Variants in ST6GAL1 observed in about 807,000 individuals in gnomAD.
ST6GAL1 encodes ST6 beta-galactoside alpha-2,6-sialyltransferase 1, also known as beta-galactoside alpha-2,6-sialyltransferase 1.
A neutral mutation model predicts 38.0 loss-of-function variants in ST6GAL1; 20 were observed. The observed-to-expected ratio is 0.53, with a 90% CI of 0.37 to 0.77. ST6GAL1 has a LOEUF of 0.77. Ranked by LOEUF, ST6GAL1 falls within the 30% of genes least tolerant of loss-of-function variation. ST6GAL1 has a pLI of 0.00. For missense variants in ST6GAL1, 432 were observed against 496.4 expected (o/e 0.87, Z 1.23); for synonymous variants, 196 against 188.2 (o/e 1.04, Z -0.34).
intron 4 of ST6GAL1, among the ~76,000 whole-genome samples, chr3:187,044,321 A>C (rs1244307625): frequency 6.6e-6 from 1 of 152,194 alleles, no homozygotes; most frequent in Non-Finnish European, 1.5e-5. Context: ...GAGGTACTGG[A>C]GCAGGTGAGG....
chr3:187,030,046 T>A (rs376596602), intron 2 of ST6GAL1, among the ~76,000 whole-genome samples: 26 of 152,256 alleles, frequency 1.7e-4, no homozygotes, highest in African/African-American at 6.3e-4. Context: ...TGAGTGGCCG[T>A]GGTCACAATC....
At chr3:187,063,998 T>C (rs982787614) in intron 5 of ST6GAL1, among the ~76,000 whole-genome samples, 2 of 152,150 alleles carry the variant, frequency 1.3e-5, no homozygotes, top group Non-Finnish European at 2.9e-5. Flanking sequence ...ATAGTAGCGA[T>C]GGGCACTACT....
chr3:186,942,860 G>A (rs1046175485), intron 1 of ST6GAL1, among the ~76,000 whole-genome samples: 13 of 152,044 alleles, frequency 8.6e-5, no homozygotes, highest in African/African-American at 2.4e-4. Context: ...CCACCACTAC[G>A]CCCAGCTAAT....
intron 5 of ST6GAL1, among the ~76,000 whole-genome samples, chr3:187,063,068 A>T (rs772052007): frequency 2.0e-5 from 3 of 152,250 alleles, no homozygotes; most frequent in Admixed American, 6.5e-5. Context: ...TACTAAGCTG[A>T]ATACTTAAAG....
chr3:187,050,243 C>T (rs773669651), intron 4 of ST6GAL1, among the ~76,000 whole-genome samples: 14 of 152,132 alleles, frequency 9.2e-5, no homozygotes, highest in Non-Finnish European at 1.9e-4. Context: ...ATTCAGCTGA[C>T]CCCCAGATCC....
intron 2 of ST6GAL1, among the ~76,000 whole-genome samples, chr3:187,007,541 G>A (rs1461192913): frequency 6.6e-6 from 1 of 152,138 alleles, no homozygotes; most frequent in Non-Finnish European, 1.5e-5. Flanking sequence ...AACCTAAGTG[G>A]ATTAATTTCC....
At chr3:187,043,617 G>A (rs1718202794) in intron 4 of ST6GAL1, 1 of 182,914 alleles carries the variant, frequency 5.5e-6, no homozygotes, top group Non-Finnish European at 1.1e-5. Flanking sequence ...GATCCAATCA[G>A]GGTAATTAGA....
At chr3:187,055,639 G>C (rs1189039088) in intron 5 of ST6GAL1, among the ~76,000 whole-genome samples, 3 of 152,132 alleles carry the variant, frequency 2.0e-5, no homozygotes, top group Admixed American at 1.3e-4. Flanking sequence ...TTAATCCCGA[G>C]TTCTAATTTG....
At chr3:187,036,229 A>G (rs937475369) in intron 2 of ST6GAL1, among the ~76,000 whole-genome samples, 4 of 152,224 alleles carry the variant, frequency 2.6e-5, no homozygotes, top group Admixed American at 6.5e-5. Context: ...CAGAATGGCT[A>G]TTATTAAGTC....
At chr3:186,946,387 ATTAT>A (rs1277162963) in intron 1 of ST6GAL1, among the ~76,000 whole-genome samples, 1 of 136,662 alleles carries the variant, frequency 7.3e-6, no homozygotes, top group African/African-American at 3.7e-5. Flanking sequence ...AAAACTTATT[ATTAT>A]TATTTTTTGA....
intron 1 of ST6GAL1, among the ~76,000 whole-genome samples, chr3:186,962,307 G>A (rs1714962291): frequency 6.6e-6 from 1 of 151,976 alleles, no homozygotes; most frequent in Non-Finnish European, 1.5e-5. Flanking sequence ...TCCCTCCACG[G>A]GTTTCTCTTT....
intron 2 of ST6GAL1, among the ~76,000 whole-genome samples, chr3:186,999,811 A>G (rs796805011): frequency 1.6e-4 from 24 of 152,198 alleles, no homozygotes; most frequent in African/African-American, 5.3e-4. Context: ...TGTTTTACTC[A>G]CAAACATTAT....
intron 1 of ST6GAL1, among the ~76,000 whole-genome samples, chr3:186,945,689 G>A (rs2108517703): frequency 6.6e-6 from 1 of 152,186 alleles, no homozygotes; most frequent in East Asian, 1.9e-4. Flanking sequence ...ACTTTAATTA[G>A]AAGTGTACCT....
At chr3:186,993,591 TA>T (rs879593174) in intron 2 of ST6GAL1, among the ~76,000 whole-genome samples, 6,813 of 107,588 alleles carry the variant, frequency 0.063, 229 homozygotes, top group Middle Eastern at 0.11. Context: ...TTTATTTATT[TA>T]TTTATTTATT....
In ST6GAL1 at chr3:187,050,534, A is replaced by AAGAGAGAG. The variant is rs147505225; in HGVS notation, c.608-696_608-689dup. 4.1e-3 allele frequency among the ~76,000 whole-genome samples: 360 copies of AAGAGAGAG among 87,854 alleles called. 1 individual carries two copies. Among genetic ancestry groups the AAGAGAGAG allele is most frequent in the Non-Finnish European group, 7.9e-3 (276 of 34,900 alleles). The allele number at this position is 87,854 out of a possible 152,430, so 57.6% of individuals were successfully genotyped here. A position where few individuals can be genotyped will look rare whatever the true frequency, so the allele number is the denominator to read the frequency against. On this transcript the variant is annotated intron_variant, in intron 4 of 7. Coordinates refer to ENST00000169298, the MANE Select transcript of ST6GAL1 (RefSeq NM_173216.2). ...TGTTTCTGACAATGGCTTACAAAGA[A>AAGAGAGAG]AGAGAGAGAGAGAGAGAGAGAGAGA... is the stretch of plus-strand genomic sequence containing the variant.
At chr3:187,001,177 A>G (rs1022508706) in intron 2 of ST6GAL1, among the ~76,000 whole-genome samples, 6 of 152,170 alleles carry the variant, frequency 3.9e-5, no homozygotes, top group Non-Finnish European at 7.4e-5. Context: ...GGTAGAACTC[A>G]GTGTTCCTAC....
At chr3:187,037,146 A>G (rs1016637181) in intron 2 of ST6GAL1, among the ~76,000 whole-genome samples, 1 of 152,212 alleles carries the variant, frequency 6.6e-6, no homozygotes, top group East Asian at 1.9e-4. Context: ...TGGCCTGAAT[A>G]CATTCTAGAA....
chr3:187,050,011 CT>C (rs1718454054), intron 4 of ST6GAL1, among the ~76,000 whole-genome samples: 2 of 152,190 alleles, frequency 1.3e-5, no homozygotes, highest in Non-Finnish European at 2.9e-5. Context: ...AAATTTTGCC[CT>C]AGGATTGAGG....
intron 1 of ST6GAL1, among the ~76,000 whole-genome samples, chr3:186,948,470 A>G (rs995168118): frequency 2.0e-5 from 3 of 151,546 alleles, no homozygotes; most frequent in Non-Finnish European, 2.9e-5. Flanking sequence ...GGGAAGGATC[A>G]GGATGGTTGT....
Sources: gnomAD v4.1 joint callset for allele counts (sites outside exome capture counted in the v4.1 genomes callset) on GRCh38, gnomAD v4.1.1 for gene constraint, MANE v1.5 for transcripts, NCBI Gene and HGNC (gene_info 2026-07-23, HGNC 2026-07-21) for gene names.